The following RFX4 variants were observed in gnomAD, a reference collection of about 807,000 sequenced individuals.
RFX4 encodes regulatory factor X4.
Under a neutral mutation model 95.0 loss-of-function variants are expected in RFX4, and 10 were observed. The observed-to-expected ratio is 0.11, with a 90% CI of 0.06 to 0.18. RFX4 has a LOEUF of 0.18. RFX4 is among the 10% of genes least tolerant of loss of function. The pLI is 1.00. For missense variants in RFX4, 640 were observed against 922.0 expected, an observed-to-expected ratio of 0.69 and a Z score of 3.96; for synonymous variants, 321 against 340.7, an observed-to-expected ratio of 0.94 and a Z score of 0.64.
intron 4 of RFX4, among the ~76,000 whole-genome samples, chr12:106,666,420 T>C (rs1030953678): frequency 2.6e-5 from 4 of 152,188 alleles, no homozygotes; most frequent in Admixed American, 2.6e-4. Flanking sequence ...CTTGGTGTTC[T>C]CTTAGCTTTC....
chr12:106,733,328 A>T (rs2042649395), intron 15 of RFX4: 1 of 377,590 alleles, frequency 2.6e-6, no homozygotes, highest in Admixed American at 4.1e-5. Context: ...CAAAAAAAGA[A>T]AAACAGGGCT....
rs186719869 is a variant in RFX4, at chr12:106,618,432, A to C, written c.130+9549A>C. On this transcript the variant is annotated intron_variant, in intron 2 of 17. Coordinates refer to ENST00000392842, the MANE Select transcript of RFX4 (RefSeq NM_213594.3). ...ATTTTTACTTTATATATTTTGAAGT[A>C]TTAATTTCTTAGAAATTTAGGATTG... 2.6e-5 allele frequency among the ~76,000 whole-genome samples: 4 copies of C among 152,248 alleles called. No individual in the cohort carries two copies. The East Asian group carries it at 7.7e-4, about 29-fold the overall frequency.
chr12:106,607,714 G>A (rs2039867371), intron 1 of RFX4, among the ~76,000 whole-genome samples: 1 of 152,112 alleles, frequency 6.6e-6, no homozygotes, highest in Admixed American at 6.6e-5. Flanking sequence ...GTTTTCTCAG[G>A]ACAAGTGTTA....
intron 3 of RFX4, among the ~76,000 whole-genome samples, chr12:106,641,380 T>A (rs1332222298): frequency 6.6e-6 from 1 of 152,168 alleles, no homozygotes; most frequent in Non-Finnish European, 1.5e-5. Flanking sequence ...AGGGTAGTCA[T>A]GAAGATGAAA....
chr12:106,684,938 G>A (rs763576479), intron 5 of RFX4: 1 of 1,613,018 alleles, frequency 6.2e-7, no homozygotes, highest in Non-Finnish European at 8.5e-7. Context: ...GTTGGGGAGA[G>A]GGAAGGTTTT....
chr12:106,637,968 A>G (rs978989714), intron 2 of RFX4, among the ~76,000 whole-genome samples: 7 of 152,176 alleles, frequency 4.6e-5, no homozygotes, highest in African/African-American at 1.7e-4. Context: ...TCTTCTTATT[A>G]ATAGACATAT....
At position 106,591,261 on chromosome 12, in the gene RFX4, C is replaced by CTTTTT. The variant is rs1565942195; in HGVS notation, c.43+7898_43+7899insTTTTT. On this transcript the variant is annotated intron_variant, in intron 1 of 17. Transcript: ENST00000392842. The stretch of plus-strand genomic sequence containing the variant: ...CCTATATGAAAGTGTTAAAATAGTC[C>CTTTTT]CTTTTTTTTTTTTTTTTTTTTTTTT... Among the ~76,000 whole-genome samples, 89 of 66,462 alleles carry CTTTTT rather than the reference C, an allele frequency of 1.3e-3. 2 individuals are homozygous for CTTTTT. Among genetic ancestry groups the CTTTTT allele is most frequent in the Non-Finnish European group, 1.6e-3 (59 of 35,816 alleles). The allele number at this position is 66,462 out of a possible 152,430, so 43.6% of individuals were successfully genotyped here.
chr12:106,759,846 A>G lies in RFX4; in HGVS notation c.1936-1351A>G, dbSNP rs549904953. 2.0e-3 allele frequency among the ~76,000 whole-genome samples: 301 copies of G among 152,048 alleles called. 1 individual carries two copies. The highest frequency in any genetic ancestry group is 3.3e-3 in the Non-Finnish European group (226 of 67,966). On this transcript the variant is annotated intron_variant, in intron 17 of 17. Coordinates refer to ENST00000392842, the MANE Select transcript of RFX4 (RefSeq NM_213594.3). Reference sequence around the variant, plus strand: ...AAGGCATGCCATCCTATGTAGGGGGAAAAATCCCTCCCTACTCAAATTGGG... The same window carrying G: ...AAGGCATGCCATCCTATGTAGGGGGGAAAATCCCTCCCTACTCAAATTGGG...
intron 15 of RFX4, among the ~76,000 whole-genome samples, chr12:106,738,881 G>T (rs1210948406): frequency 6.6e-6 from 1 of 152,080 alleles, no homozygotes; most frequent in Non-Finnish European, 1.5e-5. Flanking sequence ...ATTACGGTAG[G>T]CTTCTTAAAT....
At chr12:106,594,681 G>A (rs1187013111) in intron 1 of RFX4, among the ~76,000 whole-genome samples, 2 of 152,078 alleles carry the variant, frequency 1.3e-5, no homozygotes, top group African/African-American at 4.8e-5. Flanking sequence ...AGCCTTGAGC[G>A]CCGCTGGGAA....
At chr12:106,703,504 C>G (rs2042028863) in intron 8 of RFX4, among the ~76,000 whole-genome samples, 1 of 152,314 alleles carries the variant, frequency 6.6e-6, no homozygotes, top group East Asian at 1.9e-4. Context: ...TTATTAAAAT[C>G]TTTCTCAGTC....
At chr12:106,664,917 T>C (rs896502657) in intron 4 of RFX4, among the ~76,000 whole-genome samples, 3 of 151,908 alleles carry the variant, frequency 2.0e-5, no homozygotes, top group Non-Finnish European at 4.4e-5. Context: ...ATGATTTTTG[T>C]TTTATGACCC....
chr12:106,617,909 T>C (rs1344451626), intron 2 of RFX4, among the ~76,000 whole-genome samples: 1 of 152,114 alleles, frequency 6.6e-6, no homozygotes, highest in African/African-American at 2.4e-5. Context: ...GTATTTTTAG[T>C]AGAGATGAGG....
intron 17 of RFX4, among the ~76,000 whole-genome samples, chr12:106,758,168 A>G (rs2043143614): frequency 6.6e-6 from 1 of 152,206 alleles, no homozygotes; most frequent in Admixed American, 6.5e-5. Flanking sequence ...CCGGATGTAA[A>G]GTGTGAGAGG....
chr12:106,675,995 G>A (rs2041385475), intron 4 of RFX4, among the ~76,000 whole-genome samples: 1 of 152,194 alleles, frequency 6.6e-6, no homozygotes, highest in South Asian at 2.1e-4. Context: ...GGCATGACGG[G>A]AAGCAGGGCC....
intron 3 of RFX4, among the ~76,000 whole-genome samples, chr12:106,652,778 T>A (rs2040879129): frequency 6.6e-6 from 1 of 152,208 alleles, no homozygotes; most frequent in African/African-American, 2.4e-5. Context: ...GAGCGAGTGC[T>A]GCCCTTTCAA....
intron 10 of RFX4, among the ~76,000 whole-genome samples, chr12:106,714,670 T>C: frequency 6.6e-6 from 1 of 152,160 alleles, no homozygotes; most frequent in Non-Finnish European, 1.5e-5. Context: ...CCAAGTATTG[T>C]TCCAACTTGC....
intron 17 of RFX4, among the ~76,000 whole-genome samples, chr12:106,758,698 C>T (rs2043154869): frequency 6.6e-6 from 1 of 152,218 alleles, no homozygotes. Context: ...GGATTAAAGT[C>T]TAATGGGCTG....
At chr12:106,761,011 T>G (rs1168978922) in intron 17 of RFX4, among the ~76,000 whole-genome samples, 186 bp from the exon 18 acceptor site, 1 of 152,146 alleles carries the variant, frequency 6.6e-6, no homozygotes, top group Non-Finnish European at 1.5e-5. Context: ...TGAAATCTTT[T>G]GCATTTCTCC....
Sources: gnomAD v4.1 joint callset for allele counts (sites outside exome capture counted in the v4.1 genomes callset) on GRCh38, gnomAD v4.1.1 for gene constraint, MANE v1.5 for transcripts, NCBI Gene and HGNC (gene_info 2026-07-23, HGNC 2026-07-21) for gene names.